Variants in PRKCQ observed in about 807,000 individuals in gnomAD.
PRKCQ encodes protein kinase C theta type.
In PRKCQ, 41 loss-of-function variants were observed where a neutral mutation model predicts 91.2. The observed-to-expected ratio is 0.45, with a 90% CI of 0.35 to 0.58. PRKCQ has a LOEUF of 0.58. Among genes scored for constraint, PRKCQ ranks in the 20% least tolerant of loss-of-function variants. PRKCQ has a pLI of 0.00. For missense variants in PRKCQ, 673 were observed against 896.5 expected, an observed-to-expected ratio of 0.75 and a Z score of 3.18; for synonymous variants, 307 against 316.9, an observed-to-expected ratio of 0.97 and a Z score of 0.33.
chr10:6,498,336 TAAG>T, intron 5 of PRKCQ, 57 bp downstream of exon 5: 1 of 1,576,678 alleles, frequency 6.3e-7, no homozygotes, highest in South Asian at 1.1e-5. Flanking sequence ...CGTAGAGGAT[TAAG>T]AAGACGCAAC....
At chr10:6,534,770 A>ATATCTATATCTATC (rs1259493446) in intron 1 of PRKCQ, among the ~76,000 whole-genome samples, 7 of 49,168 alleles carry the variant, frequency 1.4e-4, no homozygotes, top group African/African-American at 3.5e-4. Context: ...ATAGAAACAT[A>ATATCTATATCTATC]TATCTATATA....
intron 1 of PRKCQ, among the ~76,000 whole-genome samples, chr10:6,554,759 A>G (rs1165237184): frequency 6.6e-6 from 1 of 152,258 alleles, no homozygotes; most frequent in African/African-American, 2.4e-5. Flanking sequence ...AATCTAAAAC[A>G]GAACTACCAT....
chr10:6,482,877 C>T (rs909776916), intron 11 of PRKCQ, among the ~76,000 whole-genome samples: 2 of 152,106 alleles, frequency 1.3e-5, no homozygotes, highest in African/African-American at 2.4e-5. Context: ...ATCATGGGAA[C>T]AGCACAGAAA....
At position 6,428,251 on chromosome 10, in the gene PRKCQ, T is replaced by C; in HGVS notation, c.2077A>G (p.Asn693Asp). The change falls in exon 18 of 18, where the codon AAC (asparagine) becomes GAC (aspartate). Residue 693 changes from asparagine to aspartate, a missense_variant. Transcript: ENST00000263125. ...ATCCCGGGGTTCATGAAGGAAAAGTTCCTGAACATATTCTGGTCCATGCTG... is the reference window on the plus strand; with the variant it reads ...ATCCCGGGGTTCATGAAGGAAAAGTCCCTGAACATATTCTGGTCCATGCTG... The part of the protein sequence containing the change: ...INSMDQNMFR[N>D]FSFMNPGMER... 1 of 1,614,184 alleles carries C rather than the reference T, an allele frequency of 6.2e-7. No individual in the cohort carries two copies. Among genetic ancestry groups the C allele is most frequent in the Non-Finnish European group, 8.5e-7 (1 of 1,180,036 alleles).
chr10:6,476,963 G>T (rs1476973466), intron 12 of PRKCQ, among the ~76,000 whole-genome samples: 1 of 152,164 alleles, frequency 6.6e-6, no homozygotes, highest in Admixed American at 6.5e-5. Flanking sequence ...AGGCCAATGG[G>T]TATTTATCAT....
intron 3 of PRKCQ, among the ~76,000 whole-genome samples, chr10:6,508,665 T>C (rs930639878): frequency 1.3e-5 from 2 of 152,198 alleles, no homozygotes; most frequent in African/African-American, 4.8e-5. Context: ...GGAGTAAAGA[T>C]GGAGGCAAAA....
intron 1 of PRKCQ, among the ~76,000 whole-genome samples, chr10:6,526,012 G>A (rs368246676): frequency 1.3e-5 from 2 of 152,152 alleles, no homozygotes; most frequent in African/African-American, 2.4e-5. Context: ...TAAGGTATGA[G>A]GAAACTCCAT....
At chr10:6,551,009 G>C (rs1454651776) in intron 1 of PRKCQ, among the ~76,000 whole-genome samples, 1 of 152,004 alleles carries the variant, frequency 6.6e-6, no homozygotes, top group African/African-American at 2.4e-5. Context: ...TTTTTTAAAT[G>C]TTTATTTTAG....
chr10:6,454,277 G>A (rs945835856), intron 15 of PRKCQ, among the ~76,000 whole-genome samples: 1 of 152,090 alleles, frequency 6.6e-6, no homozygotes, highest in African/African-American at 2.4e-5. Flanking sequence ...AGCATGCCCT[G>A]GTGATGGATG....
At chr10:6,528,340 G>T (rs1176530014) in intron 1 of PRKCQ, among the ~76,000 whole-genome samples, 1 of 151,972 alleles carries the variant, frequency 6.6e-6, no homozygotes, top group Non-Finnish European at 1.5e-5. Flanking sequence ...CATGTTGCAG[G>T]ATCTGCTGAT....
chr10:6,452,921 T>C (rs1834781110), intron 15 of PRKCQ, among the ~76,000 whole-genome samples: 1 of 143,840 alleles, frequency 7.0e-6, no homozygotes, highest in Non-Finnish European at 1.5e-5. Flanking sequence ...CAAAAATTAA[T>C]TCAAGATGGA....
chr10:6,536,181 C>T (rs903038596), intron 1 of PRKCQ, among the ~76,000 whole-genome samples: 4 of 152,186 alleles, frequency 2.6e-5, no homozygotes, highest in Non-Finnish European at 4.4e-5. Context: ...CAGCCCATGG[C>T]TCTAATCCCC....
At chr10:6,404,374 CT>C in the PRKCQ span, among the ~76,000 whole-genome samples, 1 of 123,288 alleles carries the variant, frequency 8.1e-6, no homozygotes, top group African/African-American at 2.6e-5. Context: ...TGGATTCATT[CT>C]TTCTTTCGTT....
rs549270037 is a variant in PRKCQ at position 6,559,974 on chromosome 10, C to T, written c.-10+20237G>A. On this transcript the variant is annotated intron_variant, in intron 1 of 17. Coordinates refer to ENST00000263125, the MANE Select transcript of PRKCQ (RefSeq NM_006257.5). The stretch of plus-strand genomic sequence containing the variant: ...CCTTATTTGTGTGTTATTTACTTAG[C>T]TATTGTCTTTCTACTCCAAAAAAAA... Among the ~76,000 whole-genome samples the T allele has an allele frequency of 1.1e-3, 169 of 152,290 alleles. 3 individuals carry two copies. Among genetic ancestry groups the T allele is most frequent in the African/African-American group, 3.9e-3 (163 of 41,562 alleles).
At chr10:6,533,557 G>A (rs896720413) in intron 1 of PRKCQ, among the ~76,000 whole-genome samples, 1 of 152,080 alleles carries the variant, frequency 6.6e-6, no homozygotes, top group African/African-American at 2.4e-5. Context: ...CATTACAGTG[G>A]ATCACACAGA....
the PRKCQ span, among the ~76,000 whole-genome samples, chr10:6,415,897 C>A: frequency 6.6e-6 from 1 of 151,960 alleles, no homozygotes; most frequent in Admixed American, 6.6e-5. Context: ...AGGTGTCCTC[C>A]AACATGCTTG....
At chr10:6,498,169 CT>C (rs1221639504) in intron 5 of PRKCQ, among the ~76,000 whole-genome samples, 2 of 151,982 alleles carry the variant, frequency 1.3e-5, no homozygotes, top group East Asian at 3.9e-4. Flanking sequence ...GAGGCAGAAA[CT>C]AAAATCCCAT....
intron 14 of PRKCQ, among the ~76,000 whole-genome samples, chr10:6,460,391 G>A (rs1835255795): frequency 6.6e-6 from 1 of 151,970 alleles, no homozygotes; most frequent in Non-Finnish European, 1.5e-5. Flanking sequence ...CCCGAGGCAT[G>A]TGGGTTTAGG....
intron 14 of PRKCQ, among the ~76,000 whole-genome samples, chr10:6,458,349 C>A (rs1835139516): frequency 6.6e-6 from 1 of 152,120 alleles, no homozygotes. Flanking sequence ...ACCCCTGGAG[C>A]CAGCTGGAGA....
Sources: gnomAD v4.1 joint callset for allele counts (sites outside exome capture counted in the v4.1 genomes callset) on GRCh38, gnomAD v4.1.1 for gene constraint, MANE v1.5 for transcripts, NCBI Gene and HGNC (gene_info 2026-07-23, HGNC 2026-07-21) for gene names.